Variants in ZFHX4 observed in about 807,000 individuals in gnomAD.
ZFHX4 encodes the protein zinc finger homeobox protein 4.
Under a neutral mutation model 267.6 loss-of-function variants are expected in ZFHX4, and 56 were observed. The observed-to-expected ratio is 0.21, with a 90% CI of 0.17 to 0.26. The LOEUF (loss-of-function observed/expected upper bound fraction) is 0.26. Among genes scored for constraint, ZFHX4 ranks in the 10% least tolerant of loss-of-function variants. The probability of loss-of-function intolerance (pLI) is 1.00; values close to 1 mark genes in which losing one functional copy is unlikely to be tolerated. For missense variants in ZFHX4, 4,332 were observed against 4,420.0 expected (o/e 0.98, Z 0.56); for synonymous variants, 1,778 against 1,665.6 (o/e 1.07, Z -1.64).
Position 76,851,885 on chromosome 8 carries a change from T to C in ZFHX4, c.4964T>C (p.Leu1655Ser). ...CAGGGGATGTTAGATTCCATGAGTT[T>C]AGCAGCTGTAAACAGCAAAGATACC... ...PGQGMLDSMS[L>S]AAVNSKDTHL... The change falls in exon 10 of 11, where the codon TTA becomes TCA. Residue 1655 changes from leucine to serine, a missense_variant. This residue lies in a region of ZFHX4 where 1,371 missense variants were observed against 1,423.1 expected (regional missense o/e 0.96). Transcript: ENST00000651372. The C allele has an allele frequency of 6.2e-7, 1 of 1,613,940 alleles. No homozygotes were observed. Among genetic ancestry groups the C allele is most frequent in the South Asian group, 1.1e-5 (1 of 91,082 alleles).
chr8:76,842,233 G>T (rs184248171), intron 5 of ZFHX4, among the ~76,000 whole-genome samples: 2 of 152,096 alleles, frequency 1.3e-5, no homozygotes, highest in African/African-American at 4.8e-5. Flanking sequence ...TTATATAACC[G>T]TTGTTATATT....
At chr8:76,768,864 G>A (rs1810181572) in intron 3 of ZFHX4, among the ~76,000 whole-genome samples, 1 of 152,094 alleles carries the variant, frequency 6.6e-6, no homozygotes, top group Non-Finnish European at 1.5e-5. Context: ...GATGAGGCGA[G>A]CACAAGTGAA....
chr8:76,836,405 G>T (rs1455998867), intron 5 of ZFHX4, among the ~76,000 whole-genome samples: 1 of 152,136 alleles, frequency 6.6e-6, no homozygotes, highest in East Asian at 1.9e-4. Flanking sequence ...TAAAATCTGA[G>T]GACCTTACTT....
chr8:76,741,974 C>T (rs909780394), intron 3 of ZFHX4, among the ~76,000 whole-genome samples: 2 of 152,150 alleles, frequency 1.3e-5, no homozygotes, highest in African/African-American at 4.8e-5. Context: ...TTGAAGTTTT[C>T]AGTAGAATCT....
chr8:76,715,143 A>T (rs1215813924), intron 3 of ZFHX4, among the ~76,000 whole-genome samples: 4 of 152,184 alleles, frequency 2.6e-5, no homozygotes, highest in African/African-American at 9.6e-5. Context: ...TAGTTTTCAA[A>T]CATGAGGATG....
chr8:76,865,720 C>G lies in ZFHX4; in HGVS notation c.*1155C>G, dbSNP rs1813008808. 1 of 152,470 alleles carries G rather than the reference C, an allele frequency of 6.6e-6. No individual in the cohort carries two copies. The highest frequency in any genetic ancestry group is 1.5e-5 in the Non-Finnish European group (1 of 68,000). The allele number at this position is 152,470 out of a possible 1,614,324, so 9.4% of individuals were successfully genotyped here. A position where few individuals can be genotyped will look rare whatever the true frequency, so the allele number is the denominator to read the frequency against. ...GCTGCTTTAAAAAATAAAAAGGGGACTAAAAATTTGTTTTGTATAAAGAGG... is the reference window on the plus strand; with the variant it reads ...GCTGCTTTAAAAAATAAAAAGGGGAGTAAAAATTTGTTTTGTATAAAGAGG... On this transcript the variant is annotated 3_prime_UTR_variant, in exon 11 of 11. Coordinates refer to ENST00000651372, the MANE Select transcript of ZFHX4 (RefSeq NM_024721.5).
intron 3 of ZFHX4, among the ~76,000 whole-genome samples, chr8:76,775,986 C>T (rs1010732456): frequency 4.0e-5 from 6 of 150,366 alleles, no homozygotes; most frequent in African/African-American, 1.2e-4. Context: ...CTGTTCTTAA[C>T]ACAGCGGAGT....
intron 3 of ZFHX4, among the ~76,000 whole-genome samples, chr8:76,752,173 A>C (rs2131708319): frequency 6.6e-6 from 1 of 152,298 alleles, no homozygotes; most frequent in African/African-American, 2.4e-5. Context: ...AGTTCTATGA[A>C]GTCTAGAGTT....
At chr8:76,816,770 A>T (rs536857097) in intron 4 of ZFHX4, among the ~76,000 whole-genome samples, 1 of 151,708 alleles carries the variant, frequency 6.6e-6, no homozygotes, top group African/African-American at 2.4e-5. Flanking sequence ...TAATTTTTGT[A>T]TTTTTAGTAG....
chr8:76,693,093 G>A (rs1807864613), intron 1 of ZFHX4, among the ~76,000 whole-genome samples: 1 of 152,164 alleles, frequency 6.6e-6, no homozygotes, highest in Non-Finnish European at 1.5e-5. Flanking sequence ...GCCTCCATGA[G>A]GGTAGCACCC....
At chr8:76,734,572 C>T (rs767341877) in intron 3 of ZFHX4, among the ~76,000 whole-genome samples, 1 of 152,062 alleles carries the variant, frequency 6.6e-6, no homozygotes, top group Non-Finnish European at 1.5e-5. Context: ...GCTTTTGTAA[C>T]TACTGTGGCT....
chr8:76,707,437 TAA>T, intron 2 of ZFHX4, 107 bp from the exon 3 acceptor site: 1 of 1,010,892 alleles, frequency 9.9e-7, no homozygotes, highest in Non-Finnish European at 1.4e-6. Context: ...TTTTATAGTT[TAA>T]GCTCTAGAGA....
rs372026431 is a variant in ZFHX4, at chr8:76,707,677, G to C, written c.2722G>C (p.Val908Leu). 2.5e-5 allele frequency: 41 copies of C among 1,613,672 alleles called. No homozygotes were observed. Among genetic ancestry groups the C allele is most frequent in the Non-Finnish European group, 3.5e-5 (41 of 1,179,886 alleles). The change falls in exon 3 of 11, where the codon GTT (valine) becomes CTT (leucine). Residue 908 changes from valine to leucine, a missense_variant. Val to Leu is a conservative substitution (Grantham distance 32). Around this residue, in one of 7 missense-constraint regions of ZFHX4, gnomAD observed 1,195 missense variants for 1,173.6 expected, o/e 1.02. Coordinates refer to ENST00000651372, the MANE Select transcript of ZFHX4 (RefSeq NM_024721.5). Reference protein sequence around the residue: ...DPALKLFQCAVCNKFTSDSLE... With the variant: ...DPALKLFQCALCNKFTSDSLE... The stretch of plus-strand genomic sequence containing the variant: ...AGCGCTGAAGCTATTCCAGTGTGCT[G>C]TTTGCAACAAATTCACCTCTGACAG...
intron 1 of ZFHX4, among the ~76,000 whole-genome samples, chr8:76,696,142 A>T (rs1304012694): frequency 2.0e-5 from 3 of 152,202 alleles, no homozygotes; most frequent in African/African-American, 4.8e-5. Flanking sequence ...AGTATAAGAT[A>T]ATTGGGCCCA....
At chr8:76,818,006 G>C (rs1016246236) in intron 4 of ZFHX4, among the ~76,000 whole-genome samples, 24 of 152,186 alleles carry the variant, frequency 1.6e-4, no homozygotes, top group African/African-American at 5.1e-4. Context: ...ATAGAAAAGT[G>C]AAAGTTCCCT....
intron 3 of ZFHX4, among the ~76,000 whole-genome samples, chr8:76,738,505 A>G (rs1487814016): frequency 6.6e-6 from 1 of 152,130 alleles, no homozygotes; most frequent in East Asian, 1.9e-4. Flanking sequence ...AAAGCCACCG[A>G]TTTGCTTAAT....
chr8:76,849,147 C>G lies in ZFHX4; in HGVS notation c.3645+19C>G. 1 of 1,536,754 alleles carries G rather than the reference C, an allele frequency of 6.5e-7. No individual in the cohort carries two copies. Among genetic ancestry groups the G allele is most frequent in the Non-Finnish European group, 8.8e-7 (1 of 1,142,022 alleles). On this transcript the variant is annotated intron_variant, in intron 7 of 10. Transcript: ENST00000651372. ...TGAACAGGTAAATACTTTTTTTCCC[C>G]TTTACTGTGTAAATCTTTATTTTTT...
At chr8:76,826,349 C>T (rs1417590588) in intron 4 of ZFHX4, among the ~76,000 whole-genome samples, 2 of 152,150 alleles carry the variant, frequency 1.3e-5, no homozygotes, top group Admixed American at 6.5e-5. Context: ...CACATTTCAA[C>T]ATGAGTTCCA....
Position 76,855,875 on chromosome 8 carries a change from A to G in ZFHX4, c.8954A>G (p.Lys2985Arg). The G allele has an allele frequency of 1.2e-6, 2 of 1,613,884 alleles. No individual in the cohort carries two copies. The highest frequency in any genetic ancestry group is 1.3e-5 in the African/African-American group (1 of 75,060). ...VWFQNARAKE[K>R]KFKINIGKPF... ...TTCCAAAATGCAAGGGCAAAGGAAA[A>G]GAAATTTAAAATTAACATAGGGAAG... is the stretch of plus-strand genomic sequence containing the variant. Residue 2985 changes from lysine to arginine, a missense_variant, in exon 10 of 11, where the codon AAG becomes AGG. Around this residue, in one of 7 missense-constraint regions of ZFHX4, gnomAD observed 1,648 missense variants for 1,625.0 expected, o/e 1.01. Transcript: ENST00000651372.
Sources: gnomAD v4.1 joint callset for allele counts (sites outside exome capture counted in the v4.1 genomes callset) on GRCh38, gnomAD v4.1.1 for gene constraint, gnomAD v4.1.1 regional missense constraint, MANE v1.5 for transcripts, NCBI Gene and HGNC (gene_info 2026-07-23, HGNC 2026-07-21) for gene names.